Variants in FRMD4B observed in about 807,000 individuals in gnomAD.
FRMD4B encodes the protein FERM domain containing 4B.
A neutral mutation model predicts 141.5 loss-of-function variants in FRMD4B; 74 were observed. The ratio of observed to expected loss-of-function variants is 0.52; its 90% CI spans 0.43 to 0.63. The LOEUF is 0.63. Ranked by LOEUF, FRMD4B falls within the 30% of genes least tolerant of loss-of-function variation. The pLI, the probability that FRMD4B is intolerant of heterozygous loss-of-function variation, is 0.00. For missense variants in FRMD4B, 1,366 were observed against 1,253.4 expected, an observed-to-expected ratio of 1.09 and a Z score of -1.36; for synonymous variants, 506 against 467.9, an observed-to-expected ratio of 1.08 and a Z score of -1.05.
chr3:69,314,302 C>A (rs1575722065), intron 1 of FRMD4B, among the ~76,000 whole-genome samples: 1 of 147,080 alleles, frequency 6.8e-6, no homozygotes, highest in South Asian at 2.1e-4. Flanking sequence ...CAGAGGCAGG[C>A]AGATCACTTG....
intron 3 of FRMD4B, among the ~76,000 whole-genome samples, chr3:69,308,277 C>T (rs1204240993): frequency 6.6e-6 from 1 of 152,078 alleles, no homozygotes; most frequent in African/African-American, 2.4e-5. Flanking sequence ...GTTATTATGT[C>T]CAGCGTACAG....
Position 69,358,201 on chromosome 3 carries a change from C to T in FRMD4B, c.162+27627G>A, listed in dbSNP as rs142881865. Among the ~76,000 whole-genome samples, 663 of 152,262 alleles carry T rather than the reference C, an allele frequency of 4.4e-3. 4 individuals are homozygous for T. The highest frequency in any genetic ancestry group is 0.015 in the African/African-American group (627 of 41,540). On this transcript the variant is annotated intron_variant, in intron 1 of 22. Coordinates refer to ENST00000398540, the MANE Select transcript of FRMD4B (RefSeq NM_015123.3). ...ATTTTTCTTAAATTTGCATTCACTG[C>T]AGTAATTATTTTTTGAATGTCTATC...
intron 3 of FRMD4B, among the ~76,000 whole-genome samples, chr3:69,307,430 T>A (rs1701432758): frequency 6.6e-6 from 1 of 152,020 alleles, no homozygotes; most frequent in Admixed American, 6.6e-5. Flanking sequence ...AACCTCCACC[T>A]CCTGGGTTTA....
intron 1 of FRMD4B, among the ~76,000 whole-genome samples, chr3:69,469,897 C>T (rs1426860864): frequency 2.0e-5 from 3 of 152,168 alleles, no homozygotes; most frequent in Non-Finnish European, 2.9e-5. Flanking sequence ...GGGTCAAGTA[C>T]CTTGTTTCAA....
chr3:69,375,025 C>T (rs1703929272), intron 1 of FRMD4B, among the ~76,000 whole-genome samples: 2 of 113,346 alleles, frequency 1.8e-5, no homozygotes, highest in African/African-American at 6.7e-5. Context: ...CCCATCCAAT[C>T]ATCCATCCAC....
intron 4 of FRMD4B, among the ~76,000 whole-genome samples, chr3:69,293,790 A>G (rs1427343664): frequency 1.4e-5 from 2 of 147,306 alleles, no homozygotes; most frequent in Non-Finnish European, 1.5e-5. Flanking sequence ...CTGAGGCAGG[A>G]GAATCGCTTG....
intron 1 of FRMD4B, among the ~76,000 whole-genome samples, chr3:69,509,554 G>C (rs894723979): frequency 6.6e-6 from 1 of 152,152 alleles, no homozygotes; most frequent in African/African-American, 2.4e-5. Context: ...TGATGAAAGA[G>C]TTCTCAGAAA....
At chr3:69,368,262 A>G (rs1284008342) in intron 1 of FRMD4B, among the ~76,000 whole-genome samples, 1 of 152,210 alleles carries the variant, frequency 6.6e-6, no homozygotes, top group African/African-American at 2.4e-5. Flanking sequence ...CCAGCCAGTA[A>G]AGGACGTGGG....
intron 1 of FRMD4B, among the ~76,000 whole-genome samples, chr3:69,371,511 A>G (rs1703823011): frequency 6.6e-6 from 1 of 152,162 alleles, no homozygotes; most frequent in Non-Finnish European, 1.5e-5. Flanking sequence ...TTTGAACAAA[A>G]TCGCACTGGA....
At chr3:69,321,587 A>C (rs1376333369) in intron 1 of FRMD4B, among the ~76,000 whole-genome samples, 1 of 152,196 alleles carries the variant, frequency 6.6e-6, no homozygotes, top group African/African-American at 2.4e-5. Context: ...TTTGTTCACC[A>C]CTGTCTCCGC....
intron 1 of FRMD4B, among the ~76,000 whole-genome samples, chr3:69,484,476 C>A (rs1431659912): frequency 6.6e-6 from 1 of 152,110 alleles, no homozygotes; most frequent in African/African-American, 2.4e-5. Flanking sequence ...GGTACACAGA[C>A]AAAAGGAGGG....
chr3:69,296,697 A>G (rs1701044074), intron 4 of FRMD4B, among the ~76,000 whole-genome samples: 1 of 152,200 alleles, frequency 6.6e-6, no homozygotes, highest in East Asian at 1.9e-4. Flanking sequence ...ACATTCCTCC[A>G]TGAAAAGATG....
intron 19 of FRMD4B, among the ~76,000 whole-genome samples, chr3:69,186,581 G>A (rs57600863): frequency 0.052 from 7,892 of 152,226 alleles, 558 homozygotes; most frequent in East Asian, 0.27. Context: ...GCATGATGGC[G>A]CGTGCCTGTA....
intron 1 of FRMD4B, among the ~76,000 whole-genome samples, chr3:69,359,294 G>C (rs2065141344): frequency 6.6e-6 from 1 of 152,220 alleles, no homozygotes; most frequent in Non-Finnish European, 1.5e-5. Flanking sequence ...TGGAGGTCAG[G>C]AAAGAGCCAG....
chr3:69,451,801 C>T (rs992756349), intron 1 of FRMD4B, among the ~76,000 whole-genome samples: 1 of 152,188 alleles, frequency 6.6e-6, no homozygotes, highest in African/African-American at 2.4e-5. Flanking sequence ...AGTCCCAGCT[C>T]TGTACTAAGG....
intron 3 of FRMD4B, among the ~76,000 whole-genome samples, chr3:69,302,813 C>T (rs917030498): frequency 1.3e-5 from 2 of 152,192 alleles, no homozygotes; most frequent in Non-Finnish European, 2.9e-5. Flanking sequence ...TGGCTCATGC[C>T]TGTAATCCCA....
At chr3:69,539,094 A>G (rs1701126723) in intron 1 of FRMD4B, among the ~76,000 whole-genome samples, 1 of 152,236 alleles carries the variant, frequency 6.6e-6, no homozygotes, top group Non-Finnish European at 1.5e-5. Flanking sequence ...ATAGAGCGAG[A>G]GATCACTTGC....
intron 7 of FRMD4B, among the ~76,000 whole-genome samples, 193 bp from the exon 8 acceptor site, chr3:69,224,883 T>C (rs1055097252): frequency 3.6e-5 from 4 of 110,454 alleles, no homozygotes; most frequent in African/African-American, 1.1e-4. Flanking sequence ...TGTTGAAGTT[T>C]ATAATATTTT....
chr3:69,479,201 T>C (rs1033424805), intron 1 of FRMD4B, among the ~76,000 whole-genome samples: 3 of 151,064 alleles, frequency 2.0e-5, no homozygotes, highest in Non-Finnish European at 2.9e-5. Flanking sequence ...ATTTAGTCCA[T>C]TTACATTTAA....
Sources: allele counts gnomAD v4.1 joint callset (sites outside exome capture counted in the v4.1 genomes callset), GRCh38; gene constraint gnomAD v4.1.1; transcripts MANE v1.5; gene names NCBI Gene and HGNC (gene_info 2026-07-23, HGNC 2026-07-21).